ZBTB20: variants seen among roughly 807,000 people sequenced by gnomAD.
The protein encoded by ZBTB20 is zinc finger and BTB domain containing 20.
A neutral mutation model predicts 56.9 loss-of-function variants in ZBTB20; 9 were observed. That is an observed-to-expected ratio of 0.16 (90% CI 0.10 to 0.28). The LOEUF is 0.28. Among genes scored for constraint, ZBTB20 ranks in the 10% least tolerant of loss-of-function variants. The pLI, the probability that ZBTB20 is intolerant of heterozygous loss-of-function variation, is 1.00. For synonymous variants in ZBTB20, 417 were observed against 420.7 expected, an observed-to-expected ratio of 0.99 and a Z score of 0.11; for missense variants, 655 against 1,003.0, an observed-to-expected ratio of 0.65 and a Z score of 4.69.
intron 3 of ZBTB20, among the ~76,000 whole-genome samples, chr3:114,929,368 A>G (rs1383216595): frequency 6.6e-6 from 1 of 152,244 alleles, no homozygotes; most frequent in East Asian, 1.9e-4. Context: ...GCAGAAGGCC[A>G]GGACCCAAGG....
At chr3:114,859,857 C>T (rs1247951550) in intron 4 of ZBTB20, among the ~76,000 whole-genome samples, 2 of 152,140 alleles carry the variant, frequency 1.3e-5, no homozygotes, top group Non-Finnish European at 2.9e-5. Flanking sequence ...CCCCTCTCTG[C>T]TATTCTATAT....
Position 114,465,636 on chromosome 3 carries a change from G to C in ZBTB20, c.-255+34716C>G, listed in dbSNP as rs951311362. Among the ~76,000 whole-genome samples, 4 of 151,990 alleles carry C rather than the reference G, an allele frequency of 2.6e-5. No homozygotes were observed. In the East Asian group the frequency reaches 7.7e-4, roughly 29 times the overall value. On this transcript the variant is annotated intron_variant, in intron 7 of 11. Transcript: ENST00000675478. Reference sequence around the variant, plus strand: ...GCAGGAGAATCGCTTGAACCCAGGAGCCGGAGGTTGCAGTGAGCCGAGATC... The same window carrying C: ...GCAGGAGAATCGCTTGAACCCAGGACCCGGAGGTTGCAGTGAGCCGAGATC...
At chr3:114,893,174 A>ACTCAGCTCATGGCAAGTTTGG (rs2076886758) in intron 4 of ZBTB20, among the ~76,000 whole-genome samples, 1 of 152,138 alleles carries the variant, frequency 6.6e-6, no homozygotes, top group South Asian at 2.1e-4. Flanking sequence ...TGCCACCAGA[A>ACTCAGCTCATGGCAAGTTTGG]CTCAGCTCAT....
intron 1 of ZBTB20, among the ~76,000 whole-genome samples, chr3:115,145,562 G>T (rs1467596657): frequency 1.3e-5 from 2 of 152,050 alleles, no homozygotes; most frequent in African/African-American, 4.8e-5. Flanking sequence ...AGGGAATTGT[G>T]GCAAGAAAAA....
At position 114,338,798 on chromosome 3, in the gene ZBTB20, A is replaced by G; in HGVS notation, c.*207T>C. On this transcript the variant is annotated 3_prime_UTR_variant, in exon 12 of 12. Transcript: ENST00000675478. Reference sequence around the variant, plus strand: ...CCATCCGAGGGAGACTGGGAAAACTATTATTCACCCAAGCCTCCGGAAATG... The same window carrying G: ...CCATCCGAGGGAGACTGGGAAAACTGTTATTCACCCAAGCCTCCGGAAATG... The G allele has an allele frequency of 2.0e-6, 1 of 510,618 alleles. No individual in the cohort carries two copies. Among genetic ancestry groups the G allele is most frequent in the Non-Finnish European group, 3.2e-6 (1 of 310,860 alleles). The allele number at this position is 510,618 out of a possible 1,614,324, so 31.6% of individuals were successfully genotyped here. A position where few individuals can be genotyped will look rare whatever the true frequency, so the allele number is the denominator to read the frequency against.
chr3:114,859,998 A>C (rs2075441289), intron 4 of ZBTB20, among the ~76,000 whole-genome samples: 1 of 152,154 alleles, frequency 6.6e-6, no homozygotes, highest in Admixed American at 6.5e-5. Context: ...GTCACTATGG[A>C]CATTCAATAT....
chr3:114,632,581 T>C lies in ZBTB20; in HGVS notation c.-295+60947A>G, dbSNP rs1007451109. 2.0e-5 allele frequency among the ~76,000 whole-genome samples: 3 copies of C among 152,210 alleles called. No individual in the cohort carries two copies. The East Asian group carries it at 5.8e-4, about 29-fold the overall frequency. On this transcript the variant is annotated intron_variant, in intron 6 of 11. Transcript: ENST00000675478. ...TCTGCATTTGATTACAGCATTTGTG[T>C]TCTATTTTGATTCTTTTGTACTGTG...
Position 115,046,931 on chromosome 3 carries a change from C to T in ZBTB20, c.-507+24288G>A, listed in dbSNP as rs866829402. Among the ~76,000 whole-genome samples the T allele has an allele frequency of 6.4e-4, 97 of 152,188 alleles. No homozygotes were observed. In the Middle Eastern group the frequency reaches 0.014, roughly 21 times the overall value. ...TCTTCACATATTCACAGAACAAATGCCAAGAGCTGATTTAGACCTTCCAAC... is the reference window on the plus strand; with the variant it reads ...TCTTCACATATTCACAGAACAAATGTCAAGAGCTGATTTAGACCTTCCAAC... On this transcript the variant is annotated intron_variant, in intron 2 of 11. Transcript: ENST00000675478.
intron 4 of ZBTB20, among the ~76,000 whole-genome samples, chr3:114,837,106 A>G (rs7633527): frequency 0.84 from 127,264 of 152,146 alleles, 55,271 homozygotes; most frequent in East Asian, 0.98. Context: ...TCTCTGCATG[A>G]CTGATTTCTT....
chr3:114,647,204 C>T (rs112643557), intron 6 of ZBTB20, among the ~76,000 whole-genome samples: 6,002 of 152,208 alleles, frequency 0.039, 161 homozygotes, highest in Non-Finnish European at 0.059. Flanking sequence ...GTAATCCACC[C>T]GCCTTGGCCT....
At chr3:115,072,939 AAAT>A (rs1163640931) in intron 1 of ZBTB20, among the ~76,000 whole-genome samples, 1 of 152,232 alleles carries the variant, frequency 6.6e-6, no homozygotes, top group African/African-American at 2.4e-5. Context: ...GGTCAAATGA[AAAT>A]AATATCTGTC....
chr3:114,972,203 C>G (rs1032487661), intron 3 of ZBTB20, among the ~76,000 whole-genome samples: 3 of 152,144 alleles, frequency 2.0e-5, no homozygotes, highest in African/African-American at 7.2e-5. Flanking sequence ...AACATCATGT[C>G]ATTACATGAA....
chr3:114,530,551 C>G (rs1334370370), intron 6 of ZBTB20, among the ~76,000 whole-genome samples: 2 of 152,094 alleles, frequency 1.3e-5, no homozygotes, highest in Non-Finnish European at 2.9e-5. Context: ...TGTGTGACTA[C>G]ATTTTGAAAA....
chr3:114,829,671 C>T (rs752749678), intron 4 of ZBTB20, among the ~76,000 whole-genome samples: 3 of 151,720 alleles, frequency 2.0e-5, no homozygotes, highest in East Asian at 1.9e-4. Flanking sequence ...AGAAGTTACA[C>T]GGGAGATGCA....
intron 7 of ZBTB20, among the ~76,000 whole-genome samples, chr3:114,434,707 G>A (rs558716766): frequency 5.3e-5 from 8 of 152,162 alleles, no homozygotes; most frequent in African/African-American, 1.2e-4. Context: ...TTTGAGCAGC[G>A]TTTTCTTTTT....
chr3:115,117,975 G>T (rs578206356), intron 1 of ZBTB20, among the ~76,000 whole-genome samples: 1 of 152,224 alleles, frequency 6.6e-6, no homozygotes, highest in African/African-American at 2.4e-5. Context: ...TCAAAGCCTG[G>T]ATTTGAAAGA....
intron 4 of ZBTB20, among the ~76,000 whole-genome samples, chr3:114,844,402 TC>T (rs1393476192): frequency 7.7e-6 from 1 of 130,292 alleles, no homozygotes; most frequent in Non-Finnish European, 1.5e-5. Context: ...ATACCTACAG[TC>T]CCAGCTACTG....
intron 1 of ZBTB20, among the ~76,000 whole-genome samples, chr3:115,108,362 G>A (rs1246933895): frequency 1.3e-5 from 2 of 152,308 alleles, no homozygotes; most frequent in South Asian, 2.1e-4. Flanking sequence ...TGGAGTCAGA[G>A]AGTGAGGCAT....
At chr3:114,930,892 G>T in intron 3 of ZBTB20, 1 of 235,862 alleles carries the variant, frequency 4.2e-6, no homozygotes. Context: ...CCCCTGTAGA[G>T]TCCAGTTGAT....
Sources: gnomAD v4.1 joint callset for allele counts (sites outside exome capture counted in the v4.1 genomes callset) on GRCh38, gnomAD v4.1.1 for gene constraint, MANE v1.5 for transcripts, NCBI Gene and HGNC (gene_info 2026-07-23, HGNC 2026-07-21) for gene names.